SNX9: variants seen among roughly 807,000 people sequenced by gnomAD.
SNX9 encodes the protein sorting nexin-9.
Under a neutral mutation model 89.4 loss-of-function variants are expected in SNX9, and 44 were observed. The ratio of observed to expected loss-of-function variants is 0.49; its 90% CI spans 0.39 to 0.63. The LOEUF (loss-of-function observed/expected upper bound fraction) is 0.63, where lower values mean the gene tolerates loss of function less well. Ranked by LOEUF, SNX9 falls within the 30% of genes least tolerant of loss-of-function variation. SNX9 has a pLI of 0.00. For missense variants in SNX9, 578 were observed against 736.1 expected (o/e 0.79, Z 2.49); for synonymous variants, 236 against 247.8 (o/e 0.95, Z 0.45).
At chr6:157,866,638 A>G (rs1782268606) in intron 1 of SNX9, among the ~76,000 whole-genome samples, 1 of 152,182 alleles carries the variant, frequency 6.6e-6, no homozygotes, top group African/African-American at 2.4e-5. Context: ...TGTTTAGGTA[A>G]CTCGACCAGC....
intron 4 of SNX9, among the ~76,000 whole-genome samples, chr6:157,893,143 T>C (rs531556050): frequency 6.6e-6 from 1 of 152,314 alleles, no homozygotes; most frequent in East Asian, 1.9e-4. Context: ...CTACATTTCC[T>C]TAAAGAAAAC....
intron 13 of SNX9, among the ~76,000 whole-genome samples, chr6:157,935,161 G>A (rs1309208452): frequency 1.3e-5 from 2 of 152,168 alleles, no homozygotes; most frequent in African/African-American, 2.4e-5. Context: ...TGCTTTTCCT[G>A]TTCAAACTCT....
intron 13 of SNX9, among the ~76,000 whole-genome samples, chr6:157,932,883 AAAAAAAAAAAAG>A (rs1190080870): frequency 6.2e-4 from 94 of 150,566 alleles, no homozygotes; most frequent in African/African-American, 2.2e-3. Flanking sequence ...AAAAAAAAAA[AAAAAAAAAAAAG>A]CCAGATTTCA....
At chr6:157,902,916 C>T (rs920845171) in intron 6 of SNX9, among the ~76,000 whole-genome samples, 1 of 152,060 alleles carries the variant, frequency 6.6e-6, no homozygotes, top group Non-Finnish European at 1.5e-5. Flanking sequence ...GATCCGCCCG[C>T]CTCTACCTCC....
chr6:157,931,550 A>C (rs1459326426), intron 12 of SNX9, among the ~76,000 whole-genome samples: 1 of 151,904 alleles, frequency 6.6e-6, no homozygotes, highest in African/African-American at 2.4e-5. Flanking sequence ...AGCACCTTAA[A>C]AAGAAACCTT....
At chr6:157,839,635 C>T (rs1781655386) in intron 1 of SNX9, among the ~76,000 whole-genome samples, 1 of 152,220 alleles carries the variant, frequency 6.6e-6, no homozygotes, top group South Asian at 2.1e-4. Context: ...ACATCCCCGT[C>T]CTGCTGGGGA....
At chr6:157,914,156 A>G (rs995960325) in intron 9 of SNX9, among the ~76,000 whole-genome samples, 1 of 152,138 alleles carries the variant, frequency 6.6e-6, no homozygotes, top group Non-Finnish European at 1.5e-5. Context: ...CCTGCACTTG[A>G]TAGTGTCAGT....
intron 6 of SNX9, among the ~76,000 whole-genome samples, chr6:157,905,789 T>C (rs946065418): frequency 6.6e-6 from 1 of 152,172 alleles, no homozygotes; most frequent in Non-Finnish European, 1.5e-5. Context: ...ATTGGCGTGC[T>C]CACTACTCAC....
intron 6 of SNX9, among the ~76,000 whole-genome samples, 184 bp from the exon 7 acceptor site, chr6:157,905,925 CTGTTTACCAGATCAAGCTT>C (rs1783206166): frequency 1.3e-5 from 2 of 152,316 alleles, no homozygotes; most frequent in South Asian, 4.1e-4. Context: ...TCAAACTGTT[CTGTTTACCAGATCAAGCTT>C]AATTAAATGC....
At chr6:157,936,153 G>T (rs1175910227) in intron 14 of SNX9, 113 bp downstream of exon 14, 9 of 710,554 alleles carry the variant, frequency 1.3e-5, no homozygotes, top group African/African-American at 3.7e-5. Flanking sequence ...CTTCTTTTCT[G>T]TTTCTGTGTA....
At position 157,909,957 on chromosome 6, in the gene SNX9, A is replaced by G. The variant is rs1783304257; in HGVS notation, c.881A>G (p.Tyr294Cys). ...NHRYKHFDWL[Y>C]ERLLVKFGSA... is the part of the protein sequence containing the mutation. ...AGGTATAAGCACTTTGACTGGTTAT[A>G]TGAGCGTCTCCTGGTTAAGTTTGGG... is the stretch of plus-strand genomic sequence containing the variant. The change falls in exon 9 of 18, where the codon TAT becomes TGT. Residue 294 changes from tyrosine (Y) to cysteine (C), a missense_variant. Physicochemically the swap from Tyr to Cys is radical, Grantham distance 194. Transcript: ENST00000392185. The G allele has an allele frequency of 6.2e-7, 1 of 1,614,200 alleles. No individual in the cohort carries two copies. Among genetic ancestry groups the G allele is most frequent in the South Asian group, 1.1e-5 (1 of 91,086 alleles).
At chr6:157,880,860 G>A (rs1369177909) in intron 4 of SNX9, among the ~76,000 whole-genome samples, 1 of 152,194 alleles carries the variant, frequency 6.6e-6, no homozygotes, top group Non-Finnish European at 1.5e-5. Flanking sequence ...AAGCTGCTTA[G>A]CATCTCTGTG....
At position 157,896,977 on chromosome 6, in the gene SNX9, C is replaced by G. The variant is rs772518708; in HGVS notation, c.451C>G (p.Pro151Ala). 2.5e-6 allele frequency: 4 copies of G among 1,604,578 alleles called. No individual in the cohort carries two copies. Among genetic ancestry groups the G allele is most frequent in the Non-Finnish European group, 3.4e-6 (4 of 1,177,264 alleles). ...CAACTGGGACACTGCCTTCGGCCAC[C>G]CCCAGGCCTACCAAGGACCAGGTGA... The part of the protein sequence containing the change: ...PNNWDTAFGH[P>A]QAYQGPATGD... The change falls in exon 5 of 18, where the codon CCC becomes GCC. Residue 151 changes from proline to alanine, a missense_variant. By Grantham distance (27) the Pro-to-Ala change is conservative (BLOSUM62 -1). Transcript: ENST00000392185.
At chr6:157,849,854 A>G (rs1354503719) in intron 1 of SNX9, among the ~76,000 whole-genome samples, 1 of 152,192 alleles carries the variant, frequency 6.6e-6, no homozygotes, top group East Asian at 1.9e-4. Context: ...AACTGCATGC[A>G]GGAATCTGAT....
At chr6:157,881,183 T>C (rs1782614022) in intron 4 of SNX9, among the ~76,000 whole-genome samples, 1 of 152,248 alleles carries the variant, frequency 6.6e-6, no homozygotes, top group African/African-American at 2.4e-5. Flanking sequence ...TCACGTTTTG[T>C]TAATTCTTGC....
intron 4 of SNX9, among the ~76,000 whole-genome samples, chr6:157,877,265 TAAAAG>T (rs1462395447): frequency 1.5e-5 from 2 of 132,104 alleles, no homozygotes; most frequent in Non-Finnish European, 3.3e-5. Flanking sequence ...TAGAAGGTAA[TAAAAG>T]AAAAAAAAAG....
chr6:157,872,477 A>G (rs1355618070), intron 2 of SNX9: 1 of 152,206 alleles, frequency 6.6e-6, no homozygotes, highest in Non-Finnish European at 1.5e-5. Flanking sequence ...CCTGAGCTGC[A>G]CTGCGTGTGT....
intron 6 of SNX9, among the ~76,000 whole-genome samples, chr6:157,905,012 A>G (rs1051797493): frequency 2.0e-5 from 3 of 152,246 alleles, no homozygotes; most frequent in Admixed American, 1.3e-4. Context: ...GGTTCTTTAC[A>G]TAAATCTTTA....
Position 157,906,089 on chromosome 6 carries a change from A to G in SNX9, c.621-39A>G, listed in dbSNP as rs757557394. 3 of 1,538,120 alleles carry G rather than the reference A, an allele frequency of 2.0e-6. No individual in the cohort carries two copies. In the East Asian group the frequency reaches 7.0e-5, roughly 36 times the overall value. Reference sequence around the variant, plus strand: ...CGAGAGTTGTAAAATTCTTACAAGGAAAGTCTTAAGACTGATGAACATTTA... The same window carrying G: ...CGAGAGTTGTAAAATTCTTACAAGGGAAGTCTTAAGACTGATGAACATTTA... On this transcript the variant is annotated intron_variant, in intron 6 of 17. Coordinates refer to ENST00000392185, the MANE Select transcript of SNX9 (RefSeq NM_016224.5).
Sources: gnomAD v4.1 joint callset for allele counts (sites outside exome capture counted in the v4.1 genomes callset) on GRCh38, gnomAD v4.1.1 for gene constraint, MANE v1.5 for transcripts, NCBI Gene and HGNC (gene_info 2026-07-23, HGNC 2026-07-21) for gene names.